The following COG4 variants were observed in gnomAD, a reference collection of about 807,000 sequenced individuals.
COG4 encodes the protein component of oligomeric golgi complex 4.
COG4 carries 65 observed loss-of-function variants against 95.1 expected under a neutral mutation model. The observed-to-expected ratio is 0.68, with a 90% CI of 0.56 to 0.84. COG4 has a LOEUF of 0.84. Among genes scored for constraint, COG4 ranks in the 40% least tolerant of loss-of-function variants. The probability of loss-of-function intolerance (pLI) is 0.00; values close to 1 mark genes in which losing one functional copy is unlikely to be tolerated. For missense variants in COG4, 1,045 were observed against 989.1 expected (o/e 1.06, Z -0.76); for synonymous variants, 421 against 374.8 (o/e 1.12, Z -1.42).
intron 7 of COG4, 136 bp downstream of exon 7, chr16:70,509,095 G>T: frequency 1.8e-6 from 2 of 1,084,250 alleles, no homozygotes; most frequent in Admixed American, 1.9e-5. Flanking sequence ...GCAAGATGCA[G>T]GCCAGTGTGC....
chr16:70,509,287 T>C lies in COG4; in HGVS notation c.946A>G (p.Arg316Gly). The change falls in exon 7 of 19, where the codon AGA becomes GGA. Residue 316 changes from arginine to glycine, a missense_variant. By Grantham distance (125) the Arg-to-Gly change is moderately radical. Transcript: ENST00000323786. ...LIKYLQVECD[R>G]QVEKVVDKFI... ...TTGTCTACCACCTTCTCCACCTGTC[T>C]GTCACATTCCACCTGCAGATATTTG... 6.2e-7 allele frequency: 1 copy of C among 1,614,208 alleles called. No homozygotes were observed. The highest frequency in any genetic ancestry group is 1.1e-5 in the South Asian group (1 of 91,092).
intron 8 of COG4, among the ~76,000 whole-genome samples, chr16:70,502,392 C>T (rs1399820693): frequency 1.3e-5 from 2 of 149,424 alleles, no homozygotes; most frequent in African/African-American, 2.5e-5. Flanking sequence ...GTCGGGAGTT[C>T]GAGACCAGCC....
Position 70,523,508 on chromosome 16 carries a change from C to T in COG4, c.36G>A (p.Pro12=). ...ACGGCTGCTGCACCCCTGACAGCTTCGGAGGCGAATCAAGGTCCGCCATCT... is the reference window on the plus strand; with the variant it reads ...ACGGCTGCTGCACCCCTGACAGCTTTGGAGGCGAATCAAGGTCCGCCATCT... ...GTKMADLDSP[P]KLSGVQQPSE... Residue 12 remains proline (P), a synonymous_variant, in exon 1 of 19, where the codon CCG becomes CCA. Transcript: ENST00000323786. 6.2e-7 allele frequency: 1 copy of T among 1,614,082 alleles called. No homozygotes were observed.
intron 8 of COG4, among the ~76,000 whole-genome samples, chr16:70,505,504 T>C (rs1188744992): frequency 6.7e-6 from 1 of 148,362 alleles, no homozygotes; most frequent in Non-Finnish European, 1.5e-5. Flanking sequence ...ACCCACTGGA[T>C]TTTCTTCTAA....
At chr16:70,494,246 G>C (rs1424149021) in intron 12 of COG4, among the ~76,000 whole-genome samples, 1 of 152,196 alleles carries the variant, frequency 6.6e-6, no homozygotes, top group Non-Finnish European at 1.5e-5. Context: ...AAGAATAACT[G>C]TCATGAGGAC....
At chr16:70,488,947 C>G (rs2049189369) in intron 13 of COG4, among the ~76,000 whole-genome samples, 1 of 152,220 alleles carries the variant, frequency 6.6e-6, no homozygotes, top group South Asian at 2.1e-4. Flanking sequence ...CCTCTCATAA[C>G]AGTCATGTGG....
chr16:70,490,282 C>T, intron 13 of COG4, 48 bp downstream of exon 13: 1 of 1,473,664 alleles, frequency 6.8e-7, no homozygotes, highest in Non-Finnish European at 9.5e-7. Context: ...TCTATCTCAA[C>T]ATGGGAAAAG....
chr16:70,506,627 A>C (rs928012571), intron 8 of COG4, among the ~76,000 whole-genome samples: 1 of 137,248 alleles, frequency 7.3e-6, no homozygotes, highest in Admixed American at 7.3e-5. Flanking sequence ...ACAAAAAAAA[A>C]AACATTTAGC....
At position 70,481,789 on chromosome 16, in the gene COG4, A is replaced by G. The variant is rs1275586097; in HGVS notation, c.2081T>C (p.Val694Ala). Residue 694 changes from valine to alanine, a missense_variant, in exon 17 of 19, where the codon GTG becomes GCG. Coordinates refer to ENST00000323786, the MANE Select transcript of COG4 (RefSeq NM_015386.3). The stretch of plus-strand genomic sequence containing the variant: ...CCGGTTAAAGGTGGATTTCAGCACC[A>G]CTTTCTCCAACTCGACGGCAACAAG... ...TSLVAVELEK[V>A]VLKSTFNRLG... The G allele has an allele frequency of 2.5e-6, 4 of 1,613,970 alleles. No homozygotes were observed. Among genetic ancestry groups the G allele is most frequent in the Middle Eastern group, 3.3e-4 (2 of 6,062 alleles).
intron 16 of COG4, 29 bp downstream of exon 16, chr16:70,482,063 C>T: frequency 6.3e-7 from 1 of 1,585,592 alleles, no homozygotes; most frequent in Non-Finnish European, 8.7e-7. Flanking sequence ...GGGTAATTCC[C>T]TAAGTGGATC....
intron 1 of COG4, among the ~76,000 whole-genome samples, chr16:70,520,326 C>CA (rs1382064155): frequency 7.7e-6 from 1 of 129,978 alleles, no homozygotes; most frequent in Non-Finnish European, 1.5e-5. Context: ...GCCTGTAGCC[C>CA]AAGCTGCTCA....
Position 70,486,265 on chromosome 16 carries a change from A to G in COG4, c.1711-2296T>C, listed in dbSNP as rs562578160. On this transcript the variant is annotated intron_variant, in intron 13 of 18. Coordinates refer to ENST00000323786, the MANE Select transcript of COG4 (RefSeq NM_015386.3). The stretch of plus-strand genomic sequence containing the variant: ...ACCTCTCCAGGGGGAACTGCCTGAA[A>G]CTCATGTTTTGGGTTGCCAGGAGCT... Among the ~76,000 whole-genome samples, 10 of 151,826 alleles carry G rather than the reference A, an allele frequency of 6.6e-5. No individual in the cohort carries two copies. In the East Asian group the frequency reaches 1.7e-3, roughly 27 times the overall value.
At chr16:70,492,845 C>T (rs990252731) in intron 12 of COG4, among the ~76,000 whole-genome samples, 4 of 151,710 alleles carry the variant, frequency 2.6e-5, no homozygotes, top group African/African-American at 4.9e-5. Flanking sequence ...TGCCTGTAAT[C>T]CCAGCTACTT....
chr16:70,484,614 TAC>T (rs1173896953), intron 13 of COG4, among the ~76,000 whole-genome samples: 1 of 152,228 alleles, frequency 6.6e-6, no homozygotes, highest in Non-Finnish European at 1.5e-5. Flanking sequence ...TTTATTAAAG[TAC>T]CAGGCTGGGC....
At position 70,484,091 on chromosome 16, in the gene COG4, G is replaced by C. The variant is rs530675575; in HGVS notation, c.1711-122C>G. 3 of 762,660 alleles carry C rather than the reference G, an allele frequency of 3.9e-6. No homozygotes were observed. In the African/African-American group the frequency reaches 5.1e-5, roughly 13 times the overall value. 47.2% of individuals were successfully genotyped at this position (762,660 alleles called of 1,614,324 possible). A position where few individuals can be genotyped will look rare whatever the true frequency, so the allele number is the denominator to read the frequency against. On this transcript the variant is annotated intron_variant, in intron 13 of 18. Coordinates refer to ENST00000323786, the MANE Select transcript of COG4 (RefSeq NM_015386.3). ...CTGTCAAGAGCCCGGATGGGTTTCA[G>C]AAAACCTGGATTCTATCCTGGTGGT...
intron 16 of COG4, 52 bp from the exon 17 acceptor site, chr16:70,481,917 T>C: frequency 6.6e-7 from 1 of 1,510,202 alleles, no homozygotes; most frequent in Non-Finnish European, 9.2e-7. Context: ...CCTCTGCCTC[T>C]ATGCTGGAGT....
chr16:70,486,715 G>C (rs1420597342), intron 13 of COG4, among the ~76,000 whole-genome samples: 1 of 152,194 alleles, frequency 6.6e-6, no homozygotes, highest in Non-Finnish European at 1.5e-5. Context: ...CAATGATGTC[G>C]GCCGGGCGCC....
At chr16:70,501,446 T>TC in intron 8 of COG4, 2 of 286,702 alleles carry the variant, frequency 7.0e-6, no homozygotes, top group Non-Finnish European at 1.4e-5. Flanking sequence ...CTCCGCCTCC[T>TC]GGGTTCACGC....
chr16:70,487,289 A>T (rs201913189), intron 13 of COG4, among the ~76,000 whole-genome samples: 18,056 of 148,974 alleles, frequency 0.12, 3,598 homozygotes, highest in African/African-American at 0.42. Flanking sequence ...AAATAAAAAA[A>T]TAAAAATAAA....
Sources: gnomAD v4.1 joint callset for allele counts (sites outside exome capture counted in the v4.1 genomes callset) on GRCh38, gnomAD v4.1.1 for gene constraint, MANE v1.5 for transcripts, NCBI Gene and HGNC (gene_info 2026-07-23, HGNC 2026-07-21) for gene names.